The following PSD3 variants were observed in gnomAD, a reference collection of about 807,000 sequenced individuals.
PSD3 encodes PH and SEC7 domain-containing protein 3.
PSD3 carries 49 observed loss-of-function variants against 105.5 expected under a neutral mutation model. That is an observed-to-expected ratio of 0.46 (90% CI 0.37 to 0.59). The LOEUF (loss-of-function observed/expected upper bound fraction) is 0.59. Among genes scored for constraint, PSD3 ranks in the 20% least tolerant of loss-of-function variants. The probability of loss-of-function intolerance (pLI) is 0.00; values close to 1 mark genes in which losing one functional copy is unlikely to be tolerated. For missense variants in PSD3, 1,561 were observed against 1,263.8 expected (o/e 1.24, Z -3.57); for synonymous variants, 557 against 457.8 (o/e 1.22, Z -2.77).
rs573306036 is a variant in PSD3, at chr8:18,535,650, T to TA, written c.*92_*93insT. 1.2e-6 allele frequency: 1 copy of TA among 841,958 alleles called. No individual in the cohort carries two copies. Among genetic ancestry groups the TA allele is most frequent in the Non-Finnish European group, 1.7e-6 (1 of 601,294 alleles). 52.2% of individuals were successfully genotyped at this position (841,958 alleles called of 1,614,324 possible). On this transcript the variant is annotated 3_prime_UTR_variant, in exon 16 of 16. Transcript: ENST00000327040. ...ACTAATGCACCGTTTTGTCACAGAC[T>TA]TTTTTTTTTTAAATATATTCACGGA...
chr8:18,803,413 G>GTA (rs1209783042), intron 6 of PSD3: 2 of 151,926 alleles, frequency 1.3e-5, no homozygotes, highest in Non-Finnish European at 2.9e-5. Flanking sequence ...GTGTGTGTGT[G>GTA]TGTGTGTTAA....
At chr8:18,809,541 G>GT (rs1295593892) in intron 4 of PSD3, among the ~76,000 whole-genome samples, 4 of 152,186 alleles carry the variant, frequency 2.6e-5, no homozygotes, top group Non-Finnish European at 5.9e-5. Context: ...AGTGTCTAGT[G>GT]TAAGTACGTC....
intron 12 of PSD3, among the ~76,000 whole-genome samples, chr8:18,588,312 C>T (rs1241686689): frequency 1.3e-5 from 2 of 152,146 alleles, no homozygotes; most frequent in Admixed American, 1.3e-4. Context: ...ATACAAGACA[C>T]AGAACTATGA....
At chr8:18,991,337 AACACACACACACACATACAC>A (rs1345769724) in intron 1 of PSD3, among the ~76,000 whole-genome samples, 24 of 105,822 alleles carry the variant, frequency 2.3e-4, no homozygotes, top group African/African-American at 4.5e-4. Context: ...GGCAACAGAA[AACACACACACACACATACAC>A]ACACACACAC....
chr8:19,068,973 C>T (rs1829166537), intron 1 of PSD3, among the ~76,000 whole-genome samples: 1 of 152,104 alleles, frequency 6.6e-6, no homozygotes, highest in Admixed American at 6.6e-5. Context: ...GGGCTCCCCT[C>T]CCCCAAATCC....
intron 1 of PSD3, among the ~76,000 whole-genome samples, chr8:18,972,869 T>C (rs543511362): frequency 5.6e-4 from 85 of 152,310 alleles, no homozygotes; most frequent in Non-Finnish European, 1.0e-3. Context: ...ACACACAGCA[T>C]GGAAAGCATC....
intron 10 of PSD3, among the ~76,000 whole-genome samples, chr8:18,647,737 C>A (rs544112370): frequency 1.3e-5 from 2 of 149,416 alleles, no homozygotes; most frequent in Admixed American, 6.8e-5. Context: ...GGATTGTAAT[C>A]CCAAATGTTG....
chr8:18,622,177 C>T (rs1251293757), intron 11 of PSD3, among the ~76,000 whole-genome samples: 13 of 152,126 alleles, frequency 8.5e-5, no homozygotes, highest in Admixed American at 8.5e-4. Context: ...ATTTCAAATT[C>T]AGAACTAATC....
intron 9 of PSD3, among the ~76,000 whole-genome samples, chr8:18,690,650 T>C (rs1484771237): frequency 6.6e-6 from 1 of 152,184 alleles, no homozygotes; most frequent in East Asian, 1.9e-4. Flanking sequence ...CTGCCATGTG[T>C]CACTAACCTA....
At chr8:18,934,019 T>A (rs1229547993) in intron 2 of PSD3, among the ~76,000 whole-genome samples, 15 of 152,354 alleles carry the variant, frequency 9.8e-5, no homozygotes, top group Admixed American at 2.6e-4. Flanking sequence ...CTGTTTTTTT[T>A]ACTGTATCTA....
chr8:18,770,959 G>A (rs550117252), intron 8 of PSD3, among the ~76,000 whole-genome samples: 2 of 152,322 alleles, frequency 1.3e-5, no homozygotes, highest in South Asian at 4.1e-4. Flanking sequence ...TCAGCAGGAA[G>A]GGGAGCTGAA....
intron 4 of PSD3, among the ~76,000 whole-genome samples, chr8:18,828,675 CT>C (rs1813425717): frequency 6.6e-6 from 1 of 151,944 alleles, no homozygotes; most frequent in Non-Finnish European, 1.5e-5. Context: ...CAAAAGTTAG[CT>C]GGGGCTGGGC....
intron 1 of PSD3, among the ~76,000 whole-genome samples, chr8:19,007,637 C>T (rs948000951): frequency 2.6e-5 from 4 of 152,120 alleles, no homozygotes; most frequent in Admixed American, 1.3e-4. Flanking sequence ...CGCACTAGTA[C>T]GATCCAAGTG....
intron 9 of PSD3, chr8:18,733,961 G>C (rs948693763): frequency 1.3e-5 from 2 of 152,220 alleles, no homozygotes; most frequent in Non-Finnish European, 2.9e-5. Context: ...GAACTGAGAA[G>C]CTATGGGTTT....
intron 9 of PSD3, among the ~76,000 whole-genome samples, chr8:18,679,334 G>C (rs1349931884): frequency 6.6e-6 from 1 of 152,182 alleles, no homozygotes; most frequent in African/African-American, 2.4e-5. Flanking sequence ...AGCAGAATGG[G>C]GAGAATAGAG....
At chr8:18,763,731 C>T (rs1487746) in intron 9 of PSD3, among the ~76,000 whole-genome samples, 5,056 of 152,156 alleles carry the variant, frequency 0.033, 300 homozygotes, top group East Asian at 0.22. Context: ...CCTTTTCTTA[C>T]TGAAATTTTC....
intron 1 of PSD3, among the ~76,000 whole-genome samples, chr8:19,038,380 A>C (rs1241153209): frequency 6.6e-6 from 1 of 152,202 alleles, no homozygotes; most frequent in Non-Finnish European, 1.5e-5. Flanking sequence ...ATCACTCAAG[A>C]GAAGTCTTCT....
chr8:19,063,861 G>C (rs1275781651), intron 1 of PSD3, among the ~76,000 whole-genome samples: 3 of 152,060 alleles, frequency 2.0e-5, no homozygotes, highest in Non-Finnish European at 4.4e-5. Flanking sequence ...GAAATTCAAG[G>C]CCGGGCACAG....
chr8:18,777,576 T>C (rs1486069954), intron 8 of PSD3, among the ~76,000 whole-genome samples: 1 of 152,202 alleles, frequency 6.6e-6, no homozygotes, highest in Non-Finnish European at 1.5e-5. Flanking sequence ...ATGGGGTACA[T>C]GTGATATTTT....
Sources: allele counts gnomAD v4.1 joint callset (sites outside exome capture counted in the v4.1 genomes callset), GRCh38; gene constraint gnomAD v4.1.1; transcripts MANE v1.5; gene names NCBI Gene and HGNC (gene_info 2026-07-23, HGNC 2026-07-21).